The following VTI1A variants were observed in gnomAD, a reference collection of about 807,000 sequenced individuals.
VTI1A encodes vesicle transport through interaction with t-SNAREs 1A, also known as vesicle transport through interaction with t-SNAREs homolog 1A.
A neutral mutation model predicts 34.9 loss-of-function variants in VTI1A; 22 were observed. The observed-to-expected ratio is 0.63, with a 90% CI of 0.45 to 0.90. The LOEUF (loss-of-function observed/expected upper bound fraction) is 0.90. VTI1A is among the 40% of genes least tolerant of loss of function. The pLI is 0.00. For missense variants in VTI1A, 268 were observed against 275.6 expected (o/e 0.97, Z 0.20); for synonymous variants, 87 against 97.3 (o/e 0.89, Z 0.62).
intron 7 of VTI1A, among the ~76,000 whole-genome samples, chr10:112,669,853 A>T (rs1294845447): frequency 6.6e-6 from 1 of 152,204 alleles, no homozygotes; most frequent in African/African-American, 2.4e-5. Context: ...GTTTGCTAAA[A>T]GTATGTTTGC....
chr10:112,752,565 T>C, intron 7 of VTI1A: 1 of 985,462 alleles, frequency 1.0e-6, no homozygotes, highest in African/African-American at 1.7e-5. Flanking sequence ...GAACATGCTT[T>C]GGAAAAACGC....
chr10:112,695,962 C>T (rs1187832664), intron 7 of VTI1A, among the ~76,000 whole-genome samples: 1 of 152,156 alleles, frequency 6.6e-6, no homozygotes, highest in Non-Finnish European at 1.5e-5. Flanking sequence ...CACCTTATTA[C>T]TCTACAGAAC....
rs10670312 is a variant in VTI1A, at chr10:112,531,063, T to TCACACACACACACACA, written c.342+3925_342+3940dup. ...TAGTTCTGGGGTCACGTGACACACCTCACACACACACACACACACACACAC... is the reference window on the plus strand; with the variant it reads ...TAGTTCTGGGGTCACGTGACACACCTCACACACACACACACACACACACACACACACACACACACAC... On this transcript the variant is annotated intron_variant, in intron 4 of 7. Coordinates refer to ENST00000393077, the MANE Select transcript of VTI1A (RefSeq NM_145206.4). Among the ~76,000 whole-genome samples, 245 of 139,912 alleles carry TCACACACACACACACA rather than the reference T, an allele frequency of 1.8e-3. 3 individuals are homozygous for TCACACACACACACACA. Among genetic ancestry groups the TCACACACACACACACA allele is most frequent in the East Asian group, 7.0e-3 (32 of 4,556 alleles). 91.8% of individuals were successfully genotyped at this position (139,912 alleles called of 152,430 possible). A position where few individuals can be genotyped will look rare whatever the true frequency, so the allele number is the denominator to read the frequency against.
chr10:112,557,408 A>T (rs1851576064), intron 5 of VTI1A, among the ~76,000 whole-genome samples: 1 of 152,182 alleles, frequency 6.6e-6, no homozygotes, highest in African/African-American at 2.4e-5. Flanking sequence ...AGCAGTAAAG[A>T]TAGTATTGAG....
At chr10:112,607,748 C>T (rs1845137922) in intron 5 of VTI1A, among the ~76,000 whole-genome samples, 2 of 152,286 alleles carry the variant, frequency 1.3e-5, no homozygotes, top group African/African-American at 4.8e-5. Context: ...GGGCTGTAGT[C>T]ATCAGCACAC....
chr10:112,712,474 T>A (rs140818644), intron 7 of VTI1A, among the ~76,000 whole-genome samples: 1 of 143,404 alleles, frequency 7.0e-6, no homozygotes, highest in African/African-American at 2.6e-5. Context: ...TCAACTATTA[T>A]CACACACACA....
At position 112,674,562 on chromosome 10, in the gene VTI1A, G is replaced by A. The variant is rs1319888967; in HGVS notation, c.560+5564G>A. 3.3e-5 allele frequency among the ~76,000 whole-genome samples: 5 copies of A among 152,228 alleles called. No homozygotes were observed. In the East Asian group the frequency reaches 5.8e-4, roughly 18 times the overall value. On this transcript the variant is annotated intron_variant, in intron 7 of 7. Transcript: ENST00000393077. ...TTTAAACATAGATTTTTGCTCTAGT[G>A]TCAGACACTTGAATGCAACACCTTA...
intron 3 of VTI1A, among the ~76,000 whole-genome samples, chr10:112,506,953 GTT>G (rs201026504): frequency 7.1e-6 from 1 of 140,304 alleles, no homozygotes; most frequent in Non-Finnish European, 1.6e-5. Flanking sequence ...TTTTATGGGT[GTT>G]TTTTTTTTTG....
intron 5 of VTI1A, among the ~76,000 whole-genome samples, chr10:112,592,314 G>A (rs1474616150): frequency 6.6e-6 from 1 of 152,164 alleles, no homozygotes; most frequent in Non-Finnish European, 1.5e-5. Context: ...AAGCCACCGA[G>A]CTTTTGGTCA....
chr10:112,753,212 A>T (rs1851165480), intron 7 of VTI1A, among the ~76,000 whole-genome samples: 1 of 151,892 alleles, frequency 6.6e-6, no homozygotes, highest in Non-Finnish European at 1.5e-5. Flanking sequence ...TTGAAAAAAT[A>T]ATCCTTTGCC....
At chr10:112,671,699 C>T (rs1847854173) in intron 7 of VTI1A, 1 of 151,972 alleles carries the variant, frequency 6.6e-6, no homozygotes, top group Non-Finnish European at 1.5e-5. Flanking sequence ...TGCGTATGGC[C>T]ACTTGATTAT....
At chr10:112,834,383 C>A in the VTI1A span, among the ~76,000 whole-genome samples, 1 of 152,170 alleles carries the variant, frequency 6.6e-6, no homozygotes, top group Non-Finnish European at 1.5e-5. Context: ...TTGAGAACAT[C>A]AAGAGCACAA....
intron 7 of VTI1A, among the ~76,000 whole-genome samples, chr10:112,722,949 A>C (rs889644125): frequency 2.6e-5 from 4 of 152,214 alleles, no homozygotes; most frequent in African/African-American, 9.6e-5. Context: ...CTTTAGTACA[A>C]TAAGGGGCAG....
rs142685558 is a variant in VTI1A at position 112,480,883 on chromosome 10, A to G, written c.264+16226A>G. ...AATTGGCATGGGGTGCAACTTGGGC[A>G]TCAGAAGGTTTTTCTAAATCTCAGG... is the stretch of plus-strand genomic sequence containing the variant. On this transcript the variant is annotated intron_variant, in intron 3 of 7. Coordinates refer to ENST00000393077, the MANE Select transcript of VTI1A (RefSeq NM_145206.4). 5.3e-3 allele frequency among the ~76,000 whole-genome samples: 815 copies of G among 152,338 alleles called. 11 individuals carry two copies. The highest frequency in any genetic ancestry group is 0.019 in the African/African-American group (785 of 41,566).
intron 7 of VTI1A, among the ~76,000 whole-genome samples, chr10:112,682,079 G>A (rs1038083824): frequency 6.6e-6 from 1 of 152,100 alleles, no homozygotes; most frequent in Non-Finnish European, 1.5e-5. Context: ...TCAAGGCCAA[G>A]CTATTTATAT....
intron 7 of VTI1A, among the ~76,000 whole-genome samples, chr10:112,717,509 C>T (rs185308412): frequency 9.2e-5 from 14 of 152,020 alleles, no homozygotes; most frequent in Non-Finnish European, 1.3e-4. Context: ...TGGAGTAGCT[C>T]GGGACTGGCT....
chr10:112,583,740 G>A (rs989314303), intron 5 of VTI1A, among the ~76,000 whole-genome samples: 5 of 152,156 alleles, frequency 3.3e-5, no homozygotes, highest in Admixed American at 2.0e-4. Context: ...GGGTGGGTAC[G>A]CTTAATAGAG....
chr10:112,678,503 G>A (rs1452277493), intron 7 of VTI1A, among the ~76,000 whole-genome samples: 3 of 152,144 alleles, frequency 2.0e-5, no homozygotes, highest in African/African-American at 7.2e-5. Flanking sequence ...GAGGGCTTTG[G>A]CCATCTGTTT....
intron 5 of VTI1A, among the ~76,000 whole-genome samples, chr10:112,614,179 T>A (rs1845427770): frequency 6.6e-6 from 1 of 152,220 alleles, no homozygotes; most frequent in Non-Finnish European, 1.5e-5. Context: ...AACCCTCATT[T>A]GTACCTGTGC....
Sources: gnomAD v4.1 joint callset for allele counts (sites outside exome capture counted in the v4.1 genomes callset) on GRCh38, gnomAD v4.1.1 for gene constraint, MANE v1.5 for transcripts, NCBI Gene and HGNC (gene_info 2026-07-23, HGNC 2026-07-21) for gene names.